Variants in ZFYVE16 observed in about 807,000 individuals in gnomAD.
ZFYVE16 encodes the protein zinc finger FYVE-type containing 16, also known as zinc finger FYVE domain-containing protein 16.
ZFYVE16 carries 89 observed loss-of-function variants against 138.1 expected under a neutral mutation model. That is an observed-to-expected ratio of 0.64 (90% CI 0.54 to 0.77). The LOEUF (loss-of-function observed/expected upper bound fraction) is 0.77, where lower values mean the gene tolerates loss of function less well. ZFYVE16 is among the 30% of genes least tolerant of loss of function. ZFYVE16 has a pLI of 0.00. For missense variants in ZFYVE16, 1,793 were observed against 1,786.7 expected, an observed-to-expected ratio of 1.00 and a Z score of -0.06; for synonymous variants, 596 against 618.3, an observed-to-expected ratio of 0.96 and a Z score of 0.53.
At chr5:80,410,155 G>C (rs1433146490) in intron 1 of ZFYVE16, 1 of 152,058 alleles carries the variant, frequency 6.6e-6, no homozygotes, top group African/African-American at 2.4e-5. Flanking sequence ...CCAGACAACT[G>C]CCAGATACAT....
Position 80,434,100 on chromosome 5 carries a change from A to G in ZFYVE16, c.-39-9A>G, listed in dbSNP as rs754305562. On this transcript the variant is annotated splice_polypyrimidine_tract_variant and intron_variant, in intron 2 of 18. Transcript: ENST00000505560. Reference sequence around the variant, plus strand: ...TAAATGAAATATTATTATACTTTCTATTTTTTAGGCATACAAGAATTAAAT... The same window carrying G: ...TAAATGAAATATTATTATACTTTCTGTTTTTTAGGCATACAAGAATTAAAT... The G allele has an allele frequency of 6.5e-6, 10 of 1,538,626 alleles. No homozygotes were observed. The Admixed American group carries it at 6.9e-5, about 11-fold the overall frequency.
At chr5:80,442,866 C>A (rs1285347981) in intron 5 of ZFYVE16, among the ~76,000 whole-genome samples, 2 of 152,194 alleles carry the variant, frequency 1.3e-5, no homozygotes, top group African/African-American at 4.8e-5. Context: ...AAGGGTTACT[C>A]TCTGTAGATA....
At chr5:80,465,389 TCC>T (rs1158025440) in intron 15 of ZFYVE16, among the ~76,000 whole-genome samples, 2 of 121,762 alleles carry the variant, frequency 1.6e-5, no homozygotes, top group African/African-American at 2.8e-5. Context: ...TCTTTTTTTT[TCC>T]TTTTCTTTGT....
At chr5:80,433,094 C>T (rs1749329524) in intron 2 of ZFYVE16, among the ~76,000 whole-genome samples, 1 of 152,140 alleles carries the variant, frequency 6.6e-6, no homozygotes, top group Non-Finnish European at 1.5e-5. Context: ...TGGGTATATA[C>T]CCAAAGGACT....
rs76903382 is a variant in ZFYVE16 at position 80,453,636 on chromosome 5, G to A, written c.3607+1927G>A. Among the ~76,000 whole-genome samples the A allele has an allele frequency of 8.4e-3, 1,281 of 152,244 alleles. 16 individuals are homozygous for A. Among genetic ancestry groups the A allele is most frequent in the African/African-American group, 0.029 (1,200 of 41,536 alleles). ...CTCAGCTGTTTTCTGAATTCTTTCT[G>A]TTCTGCTAGATTTTACATAGACTGG... On this transcript the variant is annotated intron_variant, in intron 11 of 18. Transcript: ENST00000505560.
chr5:80,416,287 G>A (rs1473008973), intron 1 of ZFYVE16, among the ~76,000 whole-genome samples: 3 of 106,592 alleles, frequency 2.8e-5, no homozygotes, highest in African/African-American at 7.5e-5. Context: ...ACAAAGTCTC[G>A]CTCTGTTGCC....
chr5:80,422,720 T>A (rs945403088), intron 1 of ZFYVE16, among the ~76,000 whole-genome samples: 1 of 152,166 alleles, frequency 6.6e-6, no homozygotes, highest in Admixed American at 6.5e-5. Flanking sequence ...CGCAAAGTAC[T>A]GGGATTACAG....
At chr5:80,455,591 A>G in intron 11 of ZFYVE16, 101 bp from the exon 12 acceptor site, 1 of 937,536 alleles carries the variant, frequency 1.1e-6, no homozygotes, top group Non-Finnish European at 1.7e-6. Flanking sequence ...AGTGATATTT[A>G]TACATAATGT....
Position 80,478,826 on chromosome 5 carries a change from A to G in ZFYVE16, c.*1449A>G, listed in dbSNP as rs867136806. 6.6e-6 allele frequency: 1 copy of G among 152,150 alleles called. No individual in the cohort carries two copies. The highest frequency in any genetic ancestry group is 1.5e-5 in the Non-Finnish European group (1 of 67,984). The allele number at this position is 152,150 out of a possible 1,614,324, so 9.4% of individuals were successfully genotyped here. A position where few individuals can be genotyped will look rare whatever the true frequency, so the allele number is the denominator to read the frequency against. Reference sequence around the variant, plus strand: ...TTAGCCAAAGACAATTTGGAGGAGAATATCAGCCTTCTGGAAGTAGCTACT... The same window carrying G: ...TTAGCCAAAGACAATTTGGAGGAGAGTATCAGCCTTCTGGAAGTAGCTACT... On this transcript the variant is annotated 3_prime_UTR_variant, in exon 19 of 19. Coordinates refer to ENST00000505560, the MANE Select transcript of ZFYVE16 (RefSeq NM_001284236.3).
intron 2 of ZFYVE16, among the ~76,000 whole-genome samples, chr5:80,431,827 A>G (rs1308131961): frequency 2.6e-5 from 4 of 152,178 alleles, no homozygotes; most frequent in Non-Finnish European, 4.4e-5. Flanking sequence ...GTGAACTCCC[A>G]TTCACAGTTG....
chr5:80,465,396 CTTTG>C (rs1679659337), intron 15 of ZFYVE16, among the ~76,000 whole-genome samples: 1 of 26,380 alleles, frequency 3.8e-5, no homozygotes, highest in Admixed American at 5.7e-4. Flanking sequence ...TTTTCCTTTT[CTTTG>C]TTTTTTTTTT....
chr5:80,474,982 C>G, intron 18 of ZFYVE16, 152 bp downstream of exon 18: 1 of 856,564 alleles, frequency 1.2e-6, no homozygotes, highest in East Asian at 2.7e-5. Context: ...CTGTATTAGT[C>G]TCCACAACAG....
At chr5:80,450,627 A>G (rs748693884) in intron 10 of ZFYVE16, 41 bp downstream of exon 10, 3 of 1,580,000 alleles carry the variant, frequency 1.9e-6, no homozygotes, top group South Asian at 2.3e-5. Context: ...TGGGGAATGG[A>G]TAAATTAGTT....
intron 18 of ZFYVE16, 93 bp downstream of exon 18, chr5:80,474,923 G>A (rs981317424): frequency 4.5e-5 from 62 of 1,372,436 alleles, no homozygotes; most frequent in East Asian, 7.2e-5. Context: ...GAAAGGGAAC[G>A]AAAATTTGTT....
At position 80,415,522 on chromosome 5, in the gene ZFYVE16, G is replaced by C. The variant is rs113416899; in HGVS notation, c.-94+7369G>C. On this transcript the variant is annotated intron_variant, in intron 1 of 18. Transcript: ENST00000505560. Reference sequence around the variant, plus strand: ...TTTTGATGCTCTTGAAAGTTTTGAGGGTTACTGCTCAGGTGTTTTGTAGAA... The same window carrying C: ...TTTTGATGCTCTTGAAAGTTTTGAGCGTTACTGCTCAGGTGTTTTGTAGAA... 3.0e-3 allele frequency among the ~76,000 whole-genome samples: 454 copies of C among 152,152 alleles called. 2 individuals carry two copies. Among genetic ancestry groups the C allele is most frequent in the African/African-American group, 0.01 (434 of 41,504 alleles).
At chr5:80,477,076 A>G in intron 18 of ZFYVE16, 143 bp from the exon 19 acceptor site, 1 of 638,534 alleles carries the variant, frequency 1.6e-6, no homozygotes, top group Non-Finnish European at 2.4e-6. Context: ...ATACAGGAGA[A>G]TGTAGAATTT....
chr5:80,451,043 C>G (rs1483642068), intron 10 of ZFYVE16, among the ~76,000 whole-genome samples: 1 of 152,090 alleles, frequency 6.6e-6, no homozygotes, highest in African/African-American at 2.4e-5. Context: ...AACTTCTGAC[C>G]TCAAGTGATC....
At chr5:80,428,541 CAGAGTG>C (rs1250478888) in intron 2 of ZFYVE16, among the ~76,000 whole-genome samples, 1 of 152,200 alleles carries the variant, frequency 6.6e-6, no homozygotes, top group Non-Finnish European at 1.5e-5. Context: ...TTCTAAAAAT[CAGAGTG>C]CTTCTCCTCC....
Position 80,437,317 on chromosome 5 carries a change from T to G in ZFYVE16, c.632T>G (p.Val211Gly). Reference protein sequence around the residue: ...IGGIKELGIKVDTTLSDSYNY... With the variant: ...IGGIKELGIKGDTTLSDSYNY... Reference sequence around the variant, plus strand: ...GGAATCAAAGAATTGGGTATAAAAGTAGATACAACACTTTCAGATTCCTAT... The same window carrying G: ...GGAATCAAAGAATTGGGTATAAAAGGAGATACAACACTTTCAGATTCCTAT... The change falls in exon 4 of 19, where the codon GTA becomes GGA. Residue 211 changes from valine (V) to glycine (G), a missense_variant. Transcript: ENST00000505560. The G allele has an allele frequency of 6.2e-7, 1 of 1,604,244 alleles. No homozygotes were observed. The highest frequency in any genetic ancestry group is 8.5e-7 in the Non-Finnish European group (1 of 1,175,954).
Sources: allele counts gnomAD v4.1 joint callset (sites outside exome capture counted in the v4.1 genomes callset), GRCh38; gene constraint gnomAD v4.1.1; transcripts MANE v1.5; gene names NCBI Gene and HGNC (gene_info 2026-07-23, HGNC 2026-07-21).